Variants in NCOA2 observed in about 807,000 individuals in gnomAD.
NCOA2 encodes class E basic helix-loop-helix protein 75.
Under a neutral mutation model 145.1 loss-of-function variants are expected in NCOA2, and 21 were observed. The ratio of observed to expected loss-of-function variants is 0.14; its 90% CI spans 0.10 to 0.21. The LOEUF (loss-of-function observed/expected upper bound fraction) is 0.21. Ranked by LOEUF, NCOA2 falls within the 10% of genes least tolerant of loss-of-function variation. NCOA2 has a pLI of 1.00. For synonymous variants in NCOA2, 619 were observed against 637.5 expected (o/e 0.97, Z 0.44); for missense variants, 1,472 against 1,837.6 (o/e 0.80, Z 3.64).
At chr8:70,138,125 C>T in intron 15 of NCOA2, 78 bp downstream of exon 15, 1 of 1,471,278 alleles carries the variant, frequency 6.8e-7, no homozygotes, top group Non-Finnish European at 9.2e-7. Flanking sequence ...ACTGGTCAGG[C>T]ACCGACTACT....
Position 70,151,768 on chromosome 8 carries a change from A to G in NCOA2, c.2395-3285T>C, listed in dbSNP as rs898302900. On this transcript the variant is annotated intron_variant, in intron 11 of 22. Coordinates refer to ENST00000452400, the MANE Select transcript of NCOA2 (RefSeq NM_006540.4). ...GCTTTGCCTGTGTTTATTCCTTGTC[A>G]ATTTATGGAGTACACATTTAACATT... Among the ~76,000 whole-genome samples, 127 of 152,246 alleles carry G rather than the reference A, an allele frequency of 8.3e-4. 1 individual carries two copies. Among genetic ancestry groups the G allele is most frequent in the African/African-American group, 3.0e-3 (123 of 41,540 alleles).
intron 2 of NCOA2, among the ~76,000 whole-genome samples, chr8:70,261,558 T>C (rs998074305): frequency 1.3e-5 from 2 of 152,056 alleles, no homozygotes; most frequent in African/African-American, 4.8e-5. Flanking sequence ...AACCTGCACA[T>C]TGCGCACATG....
At chr8:70,306,252 C>G (rs1827881135) in intron 1 of NCOA2, among the ~76,000 whole-genome samples, 2 of 152,090 alleles carry the variant, frequency 1.3e-5, no homozygotes, top group African/African-American at 2.4e-5. Flanking sequence ...GAGATTAGTA[C>G]CTCTACTGAT....
At chr8:70,165,068 CA>C (rs1309191568) in intron 7 of NCOA2, among the ~76,000 whole-genome samples, 1 of 152,112 alleles carries the variant, frequency 6.6e-6, no homozygotes, top group Non-Finnish European at 1.5e-5. Flanking sequence ...TTTAAATGTA[CA>C]AAAAATGTTT....
rs16936787 is a variant in NCOA2 at position 70,172,457 on chromosome 8, C to T, written c.364-2078G>A. Among the ~76,000 whole-genome samples, 1,520 of 152,282 alleles carry T rather than the reference C, an allele frequency of 1.0e-2. 22 individuals are homozygous for T. Among genetic ancestry groups the T allele is most frequent in the African/African-American group, 0.034 (1,428 of 41,554 alleles). On this transcript the variant is annotated intron_variant, in intron 5 of 22. Coordinates refer to ENST00000452400, the MANE Select transcript of NCOA2 (RefSeq NM_006540.4). ...TTAATCACAAAACTAAGTGCTCTCT[C>T]AAATTAGAACTGACCATAAGGCACC...
intron 4 of NCOA2, among the ~76,000 whole-genome samples, chr8:70,211,414 G>A (rs1051825504): frequency 6.0e-5 from 9 of 151,048 alleles, no homozygotes; most frequent in South Asian, 2.1e-4. Flanking sequence ...AGCTGAGATC[G>A]CGCCACTGCA....
chr8:70,151,776 G>GAGTAC (rs1181108358), intron 11 of NCOA2, among the ~76,000 whole-genome samples: 1 of 152,138 alleles, frequency 6.6e-6, no homozygotes, highest in African/African-American at 2.4e-5. Flanking sequence ...TCAATTTATG[G>GAGTAC]AGTACACATT....
At chr8:70,420,199 C>T in the NCOA2 span, among the ~76,000 whole-genome samples, 3 of 152,186 alleles carry the variant, frequency 2.0e-5, no homozygotes, top group African/African-American at 7.2e-5. Flanking sequence ...AAAATACTTC[C>T]TCTGCCAGCT....
upstream of NCOA2, among the ~76,000 whole-genome samples, chr8:70,406,247 C>G (rs937087184): frequency 1.3e-5 from 2 of 152,244 alleles, no homozygotes; most frequent in Admixed American, 6.5e-5. Flanking sequence ...CCCACCTCAT[C>G]TTCCAATCCC....
the NCOA2 span, among the ~76,000 whole-genome samples, chr8:70,412,647 C>CAA: frequency 6.7e-3 from 319 of 47,292 alleles, 6 homozygotes; most frequent in African/African-American, 0.011. Context: ...TACTTCGTCT[C>CAA]AAAAAAAAAA....
chr8:70,139,501 TAC>T (rs1242407396), intron 14 of NCOA2, among the ~76,000 whole-genome samples: 1 of 152,212 alleles, frequency 6.6e-6, no homozygotes, highest in East Asian at 1.9e-4. Flanking sequence ...ACTCATTAAG[TAC>T]ATTCAATGTA....
intron 1 of NCOA2, among the ~76,000 whole-genome samples, chr8:70,306,638 G>A (rs556108613): frequency 1.2e-3 from 186 of 152,200 alleles, no homozygotes; most frequent in Non-Finnish European, 1.5e-3. Context: ...CCAGCACTTC[G>A]GGAGGCTGAG....
Position 70,176,265 on chromosome 8 carries a change from A to C in NCOA2, c.260-1406T>G, listed in dbSNP as rs571137657. On this transcript the variant is annotated intron_variant, in intron 4 of 22. Coordinates refer to ENST00000452400, the MANE Select transcript of NCOA2 (RefSeq NM_006540.4). ...GCAGAGCTTATCATAAGCAGACTGT[A>C]TCTGCTTTATCAACTCTCTAATATA... 2.0e-5 allele frequency among the ~76,000 whole-genome samples: 3 copies of C among 152,334 alleles called. No individual in the cohort carries two copies. The East Asian group carries it at 5.8e-4, about 29-fold the overall frequency.
In NCOA2 at chr8:70,140,360, G is replaced by A. The variant is rs193214188; in HGVS notation, c.3028+824C>T. Reference sequence around the variant, plus strand: ...TCATTCTGGACATTTCATATAAATGGTATCATATGATGTATCAGACCATCA... The same window carrying A: ...TCATTCTGGACATTTCATATAAATGATATCATATGATGTATCAGACCATCA... On this transcript the variant is annotated intron_variant, in intron 14 of 22. Transcript: ENST00000452400. 2.1e-3 allele frequency among the ~76,000 whole-genome samples: 319 copies of A among 152,150 alleles called. 1 individual carries two copies. The highest frequency in any genetic ancestry group is 4.3e-3 in the Admixed American group (66 of 15,270).
intron 14 of NCOA2, 134 bp from the exon 15 acceptor site, chr8:70,138,466 A>G (rs141986964): frequency 1.5e-4 from 131 of 851,014 alleles, no homozygotes; most frequent in Admixed American, 3.1e-4. Flanking sequence ...CTAGGTGAAT[A>G]TAAGAAGATA....
At chr8:70,192,796 C>T (rs1490700109) in intron 4 of NCOA2, among the ~76,000 whole-genome samples, 1 of 152,038 alleles carries the variant, frequency 6.6e-6, no homozygotes, top group African/African-American at 2.4e-5. Context: ...TGGCCAAGAA[C>T]GGTGGCTCAT....
intron 6 of NCOA2, among the ~76,000 whole-genome samples, chr8:70,168,974 G>T (rs1477649445): frequency 6.6e-6 from 1 of 152,114 alleles, no homozygotes; most frequent in Non-Finnish European, 1.5e-5. Context: ...ATCACATAAA[G>T]GAAAAGCTAG....
At chr8:70,432,249 A>G in the NCOA2 span, among the ~76,000 whole-genome samples, 4 of 152,258 alleles carry the variant, frequency 2.6e-5, no homozygotes, top group Non-Finnish European at 5.9e-5. Flanking sequence ...AGTTCTGTGG[A>G]TCTGTGGATT....
At chr8:70,199,942 C>A (rs930703818) in intron 4 of NCOA2, among the ~76,000 whole-genome samples, 1 of 152,152 alleles carries the variant, frequency 6.6e-6, no homozygotes, top group African/African-American at 2.4e-5. Context: ...ATTCAACCAA[C>A]CACAGATTGA....
Sources: allele counts gnomAD v4.1 joint callset (sites outside exome capture counted in the v4.1 genomes callset), GRCh38; gene constraint gnomAD v4.1.1; transcripts MANE v1.5; gene names NCBI Gene and HGNC (gene_info 2026-07-23, HGNC 2026-07-21).